PRKCE: variants seen among roughly 807,000 people sequenced by gnomAD.
The protein encoded by PRKCE is protein kinase C epsilon type.
A neutral mutation model predicts 85.4 loss-of-function variants in PRKCE; 16 were observed. The ratio of observed to expected loss-of-function variants is 0.19; its 90% CI spans 0.13 to 0.28. The LOEUF is 0.28. Among genes scored for constraint, PRKCE ranks in the 10% least tolerant of loss-of-function variants. The pLI, the probability that PRKCE is intolerant of heterozygous loss-of-function variation, is 1.00. For missense variants in PRKCE, 573 were observed against 975.2 expected, an observed-to-expected ratio of 0.59 and a Z score of 5.49; for synonymous variants, 388 against 371.5, an observed-to-expected ratio of 1.04 and a Z score of -0.51.
Position 46,011,014 on chromosome 2 carries a change from C to T in PRKCE, c.1437+497C>T, listed in dbSNP as rs539555004. Reference sequence around the variant, plus strand: ...ATATAAGGCAGCATTTTTAATTTACCGCATAGGTGTCTGGGAACCAGAAGG... The same window carrying T: ...ATATAAGGCAGCATTTTTAATTTACTGCATAGGTGTCTGGGAACCAGAAGG... On this transcript the variant is annotated intron_variant, in intron 10 of 14. Coordinates refer to ENST00000306156, the MANE Select transcript of PRKCE (RefSeq NM_005400.3). 6.9e-5 allele frequency: 85 copies of T among 1,225,182 alleles called. 1 individual carries two copies. The South Asian group carries it at 1.4e-3, about 20-fold the overall frequency. The allele number at this position is 1,225,182 out of a possible 1,614,324, so 75.9% of individuals were successfully genotyped here.
At chr2:45,723,598 G>GTTGTT (rs1680804275) in intron 1 of PRKCE, among the ~76,000 whole-genome samples, 1 of 144,506 alleles carries the variant, frequency 6.9e-6, no homozygotes, top group Non-Finnish European at 1.6e-5. Context: ...TCCAATACAT[G>GTTGTT]TTCTTTTGTT....
At chr2:45,662,284 A>C (rs544103403) in intron 1 of PRKCE, among the ~76,000 whole-genome samples, 1 of 152,198 alleles carries the variant, frequency 6.6e-6, no homozygotes, top group Non-Finnish European at 1.5e-5. Context: ...CGTTGCTCTC[A>C]GAGAGCATAC....
intron 2 of PRKCE, among the ~76,000 whole-genome samples, chr2:45,869,652 G>T (rs532931659): frequency 6.1e-4 from 92 of 151,552 alleles, no homozygotes; most frequent in East Asian, 2.1e-3. Context: ...TGGGCTGTCT[G>T]GCCCCAAGGT....
At position 46,183,455 on chromosome 2, in the gene PRKCE, C is replaced by T. The variant is rs1229875959; in HGVS notation, c.2068-1280C>T. Among the ~76,000 whole-genome samples, 6 of 152,272 alleles carry T rather than the reference C, an allele frequency of 3.9e-5. No individual in the cohort carries two copies. The East Asian group carries it at 1.2e-3, about 29-fold the overall frequency. ...TTTCCACAAGATTTATTCCATCATC[C>T]AAGTCACTAATCCTGGGTAATACCA... On this transcript the variant is annotated intron_variant, in intron 14 of 14. Transcript: ENST00000306156.
chr2:45,727,282 C>T (rs1294122875), intron 1 of PRKCE, among the ~76,000 whole-genome samples: 2 of 152,148 alleles, frequency 1.3e-5, no homozygotes, highest in African/African-American at 4.8e-5. Flanking sequence ...AAGGGAGATA[C>T]AGTAAGATCT....
intron 4 of PRKCE, 25 bp downstream of exon 4, chr2:45,979,035 C>T (rs745728052): frequency 5.0e-6 from 8 of 1,597,102 alleles, no homozygotes; most frequent in South Asian, 3.3e-5. Context: ...TGAATTAAAT[C>T]TTCAGAGGCC....
chr2:45,747,860 A>T (rs146157807), intron 1 of PRKCE, among the ~76,000 whole-genome samples: 7 of 151,930 alleles, frequency 4.6e-5, no homozygotes, highest in Non-Finnish European at 8.8e-5. Context: ...ATCCTCACCA[A>T]CACTTAGTCT....
intron 1 of PRKCE, among the ~76,000 whole-genome samples, chr2:45,702,146 A>G (rs1392384632): frequency 6.6e-6 from 1 of 152,062 alleles, no homozygotes; most frequent in East Asian, 1.9e-4. Flanking sequence ...CTGAGATCGC[A>G]CCACTGCACT....
At chr2:45,958,245 C>T (rs1409700880) in intron 2 of PRKCE, among the ~76,000 whole-genome samples, 1 of 149,186 alleles carries the variant, frequency 6.7e-6, no homozygotes, top group Non-Finnish European at 1.5e-5. Context: ...CATGGTGGCT[C>T]ACGCCTGTAA....
intron 1 of PRKCE, among the ~76,000 whole-genome samples, chr2:45,658,527 A>T (rs1055581946): frequency 1.3e-5 from 2 of 152,200 alleles, no homozygotes; most frequent in African/African-American, 2.4e-5. Flanking sequence ...AGGCATCTCC[A>T]CCACTCACTA....
intron 5 of PRKCE, among the ~76,000 whole-genome samples, chr2:45,981,560 A>T (rs1468196538): frequency 6.6e-6 from 1 of 152,220 alleles, no homozygotes; most frequent in Non-Finnish European, 1.5e-5. Context: ...GTCTGAGCCC[A>T]GAGCACCAAC....
intron 1 of PRKCE, among the ~76,000 whole-genome samples, chr2:45,720,564 C>T (rs963032285): frequency 1.3e-5 from 2 of 152,148 alleles, no homozygotes; most frequent in Non-Finnish European, 1.5e-5. Flanking sequence ...TCACTAAAAG[C>T]CAGTATCCCT....
chr2:45,983,030 T>C (rs1703015460), intron 5 of PRKCE, among the ~76,000 whole-genome samples: 1 of 152,198 alleles, frequency 6.6e-6, no homozygotes, highest in African/African-American at 2.4e-5. Flanking sequence ...AGAGTCAACA[T>C]GTCTACATTC....
intron 2 of PRKCE, among the ~76,000 whole-genome samples, chr2:45,937,026 T>G (rs373801755): frequency 1.3e-5 from 2 of 152,184 alleles, no homozygotes; most frequent in Non-Finnish European, 2.9e-5. Context: ...TTAAGTTCCA[T>G]AGATGCTTGG....
intron 10 of PRKCE, among the ~76,000 whole-genome samples, chr2:46,012,968 T>C (rs992984760): frequency 1.3e-5 from 2 of 152,130 alleles, no homozygotes; most frequent in African/African-American, 4.8e-5. Flanking sequence ...GTTCAGATAT[T>C]TACTATCTTT....
intron 1 of PRKCE, chr2:45,701,405 T>C (rs1678629172): frequency 6.6e-6 from 1 of 152,204 alleles, no homozygotes; most frequent in East Asian, 1.9e-4. Context: ...ATCCTTTACT[T>C]ACCTGTGCTG....
chr2:46,037,758 G>T (rs1377366494), intron 10 of PRKCE, among the ~76,000 whole-genome samples: 1 of 152,100 alleles, frequency 6.6e-6, no homozygotes, highest in East Asian at 1.9e-4. Context: ...CAGATTACAG[G>T]GGGTATCAGG....
chr2:45,747,720 A>G (rs1683248973), intron 1 of PRKCE, among the ~76,000 whole-genome samples: 1 of 152,338 alleles, frequency 6.6e-6, no homozygotes, highest in South Asian at 2.1e-4. Flanking sequence ...GGTACATACT[A>G]GAAGCAGAAT....
chr2:46,007,588 A>C lies in PRKCE; in HGVS notation c.1190A>C (p.Gln397Pro). Residue 397 changes from glutamine to proline, a missense_variant, in exon 9 of 15, where the codon CAA (glutamine) becomes CCA (proline). Coordinates refer to ENST00000306156, the MANE Select transcript of PRKCE (RefSeq NM_005400.3). ...CCCGGTGAGAATGGCGAAGTCCGGC[A>C]AGGCCAGGCCAAGCGCCTGGGCCTG... ...MSPGENGEVRQGQAKRLGLDE... is the reference protein window; with the variant it reads ...MSPGENGEVRPGQAKRLGLDE... The C allele has an allele frequency of 6.3e-7, 1 of 1,599,788 alleles. No homozygotes were observed. The highest frequency in any genetic ancestry group is 8.5e-7 in the Non-Finnish European group (1 of 1,179,962).
Sources: gnomAD v4.1 joint callset for allele counts (sites outside exome capture counted in the v4.1 genomes callset) on GRCh38, gnomAD v4.1.1 for gene constraint, MANE v1.5 for transcripts, NCBI Gene and HGNC (gene_info 2026-07-23, HGNC 2026-07-21) for gene names.